The following EXOC4 variants were observed in gnomAD, a reference collection of about 807,000 sequenced individuals.
EXOC4 encodes the protein exocyst complex component 4.
A neutral mutation model predicts 107.2 loss-of-function variants in EXOC4; 71 were observed. The observed-to-expected ratio is 0.66, with a 90% CI of 0.55 to 0.81. The LOEUF (loss-of-function observed/expected upper bound fraction) is 0.81. Among genes scored for constraint, EXOC4 ranks in the 30% least tolerant of loss-of-function variants. The pLI, the probability that EXOC4 is intolerant of heterozygous loss-of-function variation, is 0.00. For synonymous variants in EXOC4, 456 were observed against 441.2 expected, an observed-to-expected ratio of 1.03 and a Z score of -0.42; for missense variants, 1,108 against 1,189.6, an observed-to-expected ratio of 0.93 and a Z score of 1.01.
intron 9 of EXOC4, among the ~76,000 whole-genome samples, chr7:133,600,338 ATT>A (rs1309349509): frequency 6.6e-6 from 1 of 152,146 alleles, no homozygotes; most frequent in African/African-American, 2.4e-5. Flanking sequence ...CTTCAGTAAT[ATT>A]TGCTTTACCT....
At chr7:133,518,111 A>T (rs1372028618) in intron 9 of EXOC4, among the ~76,000 whole-genome samples, 1 of 151,968 alleles carries the variant, frequency 6.6e-6, no homozygotes, top group Non-Finnish European at 1.5e-5. Context: ...CATGGGAGCA[A>T]GCCTGCTGTG....
At chr7:133,993,926 A>T (rs1357873354) in intron 14 of EXOC4, among the ~76,000 whole-genome samples, 1 of 152,246 alleles carries the variant, frequency 6.6e-6, no homozygotes, top group Admixed American at 6.5e-5. Context: ...AGCAACAAAT[A>T]GGGCTGAGAA....
At chr7:133,656,416 T>C (rs1172095780) in intron 10 of EXOC4, among the ~76,000 whole-genome samples, 2 of 152,054 alleles carry the variant, frequency 1.3e-5, no homozygotes, top group Non-Finnish European at 2.9e-5. Context: ...TGTGTATATA[T>C]ATAACTGGAA....
At chr7:133,875,143 C>G (rs1372991424) in intron 11 of EXOC4, among the ~76,000 whole-genome samples, 1 of 152,128 alleles carries the variant, frequency 6.6e-6, no homozygotes, top group Non-Finnish European at 1.5e-5. Context: ...AAACTTTTTT[C>G]TAGTGTTATA....
intron 5 of EXOC4, among the ~76,000 whole-genome samples, chr7:133,327,408 T>C (rs1194956112): frequency 2.6e-5 from 4 of 152,222 alleles, no homozygotes; most frequent in Admixed American, 6.5e-5. Flanking sequence ...TTGATTTTTT[T>C]TGAAGGGTTT....
At chr7:133,863,000 T>C (rs375493514) in intron 11 of EXOC4, among the ~76,000 whole-genome samples, 2 of 152,200 alleles carry the variant, frequency 1.3e-5, no homozygotes, top group East Asian at 3.8e-4. Context: ...TTTGTTTTCA[T>C]GGGTAAAAGC....
At chr7:134,044,869 T>C (rs12669887) in intron 17 of EXOC4, among the ~76,000 whole-genome samples, 25,391 of 152,234 alleles carry the variant, frequency 0.17, 2,743 homozygotes, top group East Asian at 0.43. Flanking sequence ...TCCCCAAGCA[T>C]TTTCTGATTT....
rs1554409738 is a variant in EXOC4 at position 133,855,082 on chromosome 7, A to AATATATCTAAATATATCTAAAT, written c.1734+37544_1734+37545insCTAAATATATCTAAATATATAT. ...ATCTAAATATATCTAAATATATCTAAATATATATAAATATATATATAAATA... is the reference window on the plus strand; with the variant it reads ...ATCTAAATATATCTAAATATATCTAAATATATCTAAATATATCTAAATATATATATAAATATATATATAAATA... On this transcript the variant is annotated intron_variant, in intron 11 of 17. Coordinates refer to ENST00000253861, the MANE Select transcript of EXOC4 (RefSeq NM_021807.4). 1.8e-4 allele frequency among the ~76,000 whole-genome samples: 14 copies of AATATATCTAAATATATCTAAAT among 76,750 alleles called. No homozygotes were observed. The South Asian group carries it at 2.0e-3, about 11-fold the overall frequency. The allele number at this position is 76,750 out of a possible 152,430, so 50.4% of individuals were successfully genotyped here.
intron 7 of EXOC4, among the ~76,000 whole-genome samples, chr7:133,416,882 A>G (rs1278313029): frequency 5.9e-5 from 9 of 152,132 alleles, no homozygotes; most frequent in Admixed American, 5.9e-4. Flanking sequence ...GTTGGTAGGA[A>G]GAGGGCCTGG....
At chr7:133,376,855 C>G (rs1462978615) in intron 7 of EXOC4, among the ~76,000 whole-genome samples, 3 of 152,156 alleles carry the variant, frequency 2.0e-5, no homozygotes, top group Non-Finnish European at 4.4e-5. Flanking sequence ...AAGCCCCAAA[C>G]CAAGCCTCTA....
intron 14 of EXOC4, among the ~76,000 whole-genome samples, chr7:133,961,280 CTTTTTTT>C (rs34400471): frequency 3.9e-5 from 3 of 77,018 alleles, no homozygotes; most frequent in East Asian, 4.8e-4. Flanking sequence ...TCATGTCAAA[CTTTTTTT>C]TTTTTTTTTT....
intron 7 of EXOC4, among the ~76,000 whole-genome samples, chr7:133,381,132 A>G (rs1796610759): frequency 6.6e-6 from 1 of 152,154 alleles, no homozygotes. Flanking sequence ...AGCATTTTTG[A>G]ATAAGAGGTT....
chr7:133,749,896 C>T (rs1284889272), intron 10 of EXOC4, among the ~76,000 whole-genome samples: 1 of 150,882 alleles, frequency 6.6e-6, no homozygotes, highest in Non-Finnish European at 1.5e-5. Flanking sequence ...AAGACGAACC[C>T]TAACACTTGT....
At chr7:134,004,723 G>A (rs1473540505) in intron 15 of EXOC4, among the ~76,000 whole-genome samples, 189 bp from the exon 16 acceptor site, 1 of 152,170 alleles carries the variant, frequency 6.6e-6, no homozygotes. Context: ...CAAGGCCACA[G>A]CTGCTTCATA....
intron 10 of EXOC4, among the ~76,000 whole-genome samples, chr7:133,650,787 CTG>C (rs2151034221): frequency 6.6e-6 from 1 of 152,180 alleles, no homozygotes; most frequent in East Asian, 1.9e-4. Flanking sequence ...TGGATACTAA[CTG>C]TACAATAACT....
chr7:133,775,254 G>T (rs1796322439), intron 10 of EXOC4, among the ~76,000 whole-genome samples: 1 of 152,164 alleles, frequency 6.6e-6, no homozygotes, highest in Admixed American at 6.6e-5. Context: ...GGGAAAAGGA[G>T]TAGAAATCAA....
In EXOC4 at chr7:133,567,679, C is replaced by T. The variant is rs528676938; in HGVS notation, c.1418-62366C>T. On this transcript the variant is annotated intron_variant, in intron 9 of 17. Coordinates refer to ENST00000253861, the MANE Select transcript of EXOC4 (RefSeq NM_021807.4). ...ATAAAGAACAAAAGCATATTTGGCT[C>T]ATGCTTCTAGAGACTGGAAAGTCCC... 1.8e-4 allele frequency among the ~76,000 whole-genome samples: 27 copies of T among 152,270 alleles called. No individual in the cohort carries two copies. The South Asian group carries it at 3.9e-3, about 22-fold the overall frequency.
chr7:133,405,095 G>C (rs1797186913), intron 7 of EXOC4, among the ~76,000 whole-genome samples: 1 of 152,036 alleles, frequency 6.6e-6, no homozygotes, highest in African/African-American at 2.4e-5. Flanking sequence ...TTTAAAAAGA[G>C]AAAATTAAAA....
intron 10 of EXOC4, among the ~76,000 whole-genome samples, chr7:133,713,225 G>A (rs1794930512): frequency 6.6e-6 from 1 of 152,158 alleles, no homozygotes; most frequent in Non-Finnish European, 1.5e-5. Context: ...GGTTTTATAA[G>A]AATAACCAAC....
Sources: gnomAD v4.1 joint callset for allele counts (sites outside exome capture counted in the v4.1 genomes callset) on GRCh38, gnomAD v4.1.1 for gene constraint, MANE v1.5 for transcripts, NCBI Gene and HGNC (gene_info 2026-07-23, HGNC 2026-07-21) for gene names.